SORD: variants seen among roughly 807,000 people sequenced by gnomAD.
SORD encodes sorbitol dehydrogenase, also known as (R,R)-butanediol dehydrogenase.
Under a neutral mutation model 35.6 loss-of-function variants are expected in SORD, and 18 were observed. That is an observed-to-expected ratio of 0.51 (90% CI 0.35 to 0.75). SORD has a LOEUF of 0.75. Ranked by LOEUF, SORD falls within the 30% of genes least tolerant of loss-of-function variation. The pLI, the probability that SORD is intolerant of heterozygous loss-of-function variation, is 0.01. For missense variants in SORD, 250 were observed against 390.2 expected, an observed-to-expected ratio of 0.64 and a Z score of 3.03; for synonymous variants, 106 against 152.9, an observed-to-expected ratio of 0.69 and a Z score of 2.26.
Position 45,053,410 on chromosome 15 carries a change from C to T in SORD, c.266-7657C>T, listed in dbSNP as rs569396902. Among the ~76,000 whole-genome samples, 7 of 152,256 alleles carry T rather than the reference C, an allele frequency of 4.6e-5. No homozygotes were observed. In the South Asian group the frequency reaches 1.5e-3, roughly 32 times the overall value. On this transcript the variant is annotated intron_variant, in intron 3 of 8. Transcript: ENST00000267814. ...ATACAAAGACAAAACACTAATAATG[C>T]AATTACTGAGAGACAACTTGACGTT...
At chr15:45,045,404 A>G (rs954839378) in intron 3 of SORD, among the ~76,000 whole-genome samples, 3 of 152,000 alleles carry the variant, frequency 2.0e-5, no homozygotes, top group African/African-American at 7.3e-5. Context: ...ATGGTGGCAC[A>G]CACCTATAAT....
At chr15:45,071,487 G>T (rs985003378) in intron 7 of SORD, among the ~76,000 whole-genome samples, 9 of 152,164 alleles carry the variant, frequency 5.9e-5, no homozygotes, top group Non-Finnish European at 7.3e-5. Context: ...CTCAGAACTG[G>T]AGGCTGTGAC....
chr15:45,074,790 GC>G lies in SORD; in HGVS notation c.*1263del, dbSNP rs1351483690. ...TAACCTGGGAAAGCCATGACCTTGT[GC>G]CCGATTCTTTCAGATTGCTTTGGGT... On this transcript the variant is annotated 3_prime_UTR_variant, in exon 9 of 9. Transcript: ENST00000267814. The G allele has an allele frequency of 1.1e-5, 1 of 88,050 alleles. No homozygotes were observed. The highest frequency in any genetic ancestry group is 1.9e-5 in the Non-Finnish European group (1 of 51,510). 5.5% of individuals were successfully genotyped at this position (88,050 alleles called of 1,614,324 possible).
At chr15:45,065,704 G>A (rs547124832) in intron 5 of SORD, among the ~76,000 whole-genome samples, 131 of 152,290 alleles carry the variant, frequency 8.6e-4, no homozygotes, top group Middle Eastern at 3.4e-3. Context: ...TGGATCACCT[G>A]AGCCCAGGAG....
chr15:45,070,448 C>T (rs1893492480), intron 7 of SORD: 1 of 153,068 alleles, frequency 6.5e-6, no homozygotes. Context: ...CCTCCTCCTA[C>T]TAAGTTGCCC....
In SORD at chr15:45,044,734, T is replaced by C. The variant is rs186676016; in HGVS notation, c.265+1313T>C. On this transcript the variant is annotated intron_variant, in intron 3 of 8. Transcript: ENST00000267814. The stretch of plus-strand genomic sequence containing the variant: ...TTTTTTTTTTGACGGAGTCTCGCTC[T>C]GTCACCCAGGCTGGAGTGCAGTGGT... 2.8e-3 allele frequency among the ~76,000 whole-genome samples: 422 copies of C among 150,536 alleles called. 2 individuals are homozygous for C. The highest frequency in any genetic ancestry group is 9.8e-3 in the African/African-American group (401 of 41,046).
At chr15:45,026,700 CATT>C (rs1428671684) in intron 1 of SORD, among the ~76,000 whole-genome samples, 4 of 152,258 alleles carry the variant, frequency 2.6e-5, no homozygotes, top group African/African-American at 9.6e-5. Context: ...TAACTTACAT[CATT>C]ATTTGCTTTC....
chr15:45,054,596 G>A (rs1276236315), intron 3 of SORD, among the ~76,000 whole-genome samples: 2 of 151,960 alleles, frequency 1.3e-5, no homozygotes, highest in Non-Finnish European at 2.9e-5. Flanking sequence ...TTTGTAGGTT[G>A]CCTGTTCACT....
chr15:45,050,952 T>C (rs1375168779), intron 3 of SORD, among the ~76,000 whole-genome samples: 2 of 152,232 alleles, frequency 1.3e-5, no homozygotes, highest in Non-Finnish European at 2.9e-5. Flanking sequence ...ATTCCATTAA[T>C]ACTTGCTCTG....
chr15:45,027,785 C>T (rs1167200491), intron 1 of SORD, among the ~76,000 whole-genome samples: 2 of 152,192 alleles, frequency 1.3e-5, no homozygotes, highest in African/African-American at 2.4e-5. Context: ...TTAGTTTTTA[C>T]CCCATAGAAG....
At chr15:45,052,403 G>T (rs1322335994) in intron 3 of SORD, among the ~76,000 whole-genome samples, 1 of 152,194 alleles carries the variant, frequency 6.6e-6, no homozygotes, top group South Asian at 2.1e-4. Flanking sequence ...TACAGATGGG[G>T]CATGGAGCCT....
At chr15:45,046,953 G>T (rs1027571802) in intron 3 of SORD, 2 of 152,234 alleles carry the variant, frequency 1.3e-5, no homozygotes, top group Non-Finnish European at 2.9e-5. Context: ...GGGAGGTAGA[G>T]GTTGCAGTGA....
intron 1 of SORD, among the ~76,000 whole-genome samples, chr15:45,028,536 T>C (rs1049813713): frequency 6.6e-6 from 1 of 152,102 alleles, no homozygotes; most frequent in African/African-American, 2.4e-5. Flanking sequence ...AACAACACCA[T>C]GGAGGGGATG....
intron 1 of SORD, among the ~76,000 whole-genome samples, chr15:45,031,009 T>C (rs918796734): frequency 1.7e-4 from 26 of 152,256 alleles, no homozygotes; most frequent in Non-Finnish European, 3.2e-4. Flanking sequence ...CATGCAAATA[T>C]ATTCAACACA....
intron 2 of SORD, among the ~76,000 whole-genome samples, chr15:45,042,003 A>T (rs1018240526): frequency 1.3e-5 from 2 of 152,200 alleles, no homozygotes; most frequent in Non-Finnish European, 2.9e-5. Flanking sequence ...AAAACTAAGG[A>T]GGAAGAAAGT....
At chr15:45,066,650 A>G (rs2467849) in intron 5 of SORD, among the ~76,000 whole-genome samples, 1 of 152,188 alleles carries the variant, frequency 6.6e-6, no homozygotes, top group Non-Finnish European at 1.5e-5. Context: ...GCCTTAGACC[A>G]AATCATTCTG....
At chr15:45,052,946 G>T (rs768046856) in intron 3 of SORD, among the ~76,000 whole-genome samples, 7 of 152,160 alleles carry the variant, frequency 4.6e-5, no homozygotes, top group Non-Finnish European at 1.0e-4. Context: ...GGTCATCTTG[G>T]GGGGTCATCT....
chr15:45,071,685 C>T (rs1255171488), intron 7 of SORD, among the ~76,000 whole-genome samples: 1 of 150,356 alleles, frequency 6.7e-6, no homozygotes, highest in Non-Finnish European at 1.5e-5. Flanking sequence ...GGGAAATTTT[C>T]AGGAGAAATT....
At position 45,030,911 on chromosome 15, in the gene SORD, C is replaced by T. The variant is rs538925314; in HGVS notation, c.66+7562C>T. Among the ~76,000 whole-genome samples, 4 of 152,356 alleles carry T rather than the reference C, an allele frequency of 2.6e-5. No homozygotes were observed. In the East Asian group the frequency reaches 7.7e-4, roughly 29 times the overall value. On this transcript the variant is annotated intron_variant, in intron 1 of 8. Coordinates refer to ENST00000267814, the MANE Select transcript of SORD (RefSeq NM_003104.6). The stretch of plus-strand genomic sequence containing the variant: ...GAACAGCTGTCATGTCAGGTTCCAG[C>T]CTACTTGTGCTGACTCCGACCAGGA...
Sources: gnomAD v4.1 joint callset for allele counts (sites outside exome capture counted in the v4.1 genomes callset) on GRCh38, gnomAD v4.1.1 for gene constraint, MANE v1.5 for transcripts, NCBI Gene and HGNC (gene_info 2026-07-23, HGNC 2026-07-21) for gene names.